Variants in SMAD3 observed in about 807,000 individuals in gnomAD.
SMAD3 encodes the protein SMAD family member 3, also known as MAD homolog 3.
Under a neutral mutation model 51.8 loss-of-function variants are expected in SMAD3, and 12 were observed. That is an observed-to-expected ratio of 0.23 (90% CI 0.15 to 0.38). SMAD3 has a LOEUF of 0.38. SMAD3 is among the 10% of genes least tolerant of loss of function. The pLI is 1.00. For synonymous variants in SMAD3, 238 were observed against 227.7 expected (o/e 1.05, Z -0.41); for missense variants, 294 against 565.6 (o/e 0.52, Z 4.87).
chr15:67,089,426 C>T (rs544769578), intron 1 of SMAD3, among the ~76,000 whole-genome samples: 31 of 152,312 alleles, frequency 2.0e-4, no homozygotes, highest in African/African-American at 6.7e-4. Context: ...GAGCACCTTC[C>T]CATTGGTTTA....
intron 1 of SMAD3, among the ~76,000 whole-genome samples, chr15:67,143,459 G>A (rs145131010): frequency 6.6e-6 from 1 of 152,292 alleles, no homozygotes; most frequent in African/African-American, 2.4e-5. Flanking sequence ...TTTGGAGGCA[G>A]AGTCTCACCC....
chr15:67,126,848 T>G (rs1275344567), intron 1 of SMAD3, among the ~76,000 whole-genome samples: 1 of 152,170 alleles, frequency 6.6e-6, no homozygotes, highest in East Asian at 1.9e-4. Flanking sequence ...GGGGCCTCAC[T>G]GAATTGTGGA....
chr15:67,125,900 G>C (rs1175008103), intron 1 of SMAD3: 98 of 985,350 alleles, frequency 9.9e-5, no homozygotes, highest in Non-Finnish European at 1.1e-4. Context: ...CACACGCTGG[G>C]TTCCCACAGG....
At chr15:67,171,014 A>G (rs1043657006) in intron 5 of SMAD3, among the ~76,000 whole-genome samples, 3 of 152,168 alleles carry the variant, frequency 2.0e-5, no homozygotes, top group Non-Finnish European at 4.4e-5. Flanking sequence ...TGAGTGTTTC[A>G]TCTTATAATT....
chr15:67,194,190 C>T lies in SMAD3; in HGVS notation c.*3654C>T, dbSNP rs530600662. The T allele has an allele frequency of 8.6e-6, 2 of 233,512 alleles. No individual in the cohort carries two copies. Among genetic ancestry groups the T allele is most frequent in the Non-Finnish European group, 1.7e-5 (2 of 118,066 alleles). The allele number at this position is 233,512 out of a possible 1,614,324, so 14.5% of individuals were successfully genotyped here. A position where few individuals can be genotyped will look rare whatever the true frequency, so the allele number is the denominator to read the frequency against. On this transcript the variant is annotated 3_prime_UTR_variant, in exon 9 of 9. Coordinates refer to ENST00000327367, the MANE Select transcript of SMAD3 (RefSeq NM_005902.4). The stretch of plus-strand genomic sequence containing the variant: ...ATTTTACCAGAACCAAACCTCAACA[C>T]AGCGAAGCTGTACTGTCTTTGTGTG...
At chr15:67,124,043 C>T (rs1035930473) in intron 1 of SMAD3, among the ~76,000 whole-genome samples, 4 of 152,078 alleles carry the variant, frequency 2.6e-5, no homozygotes, top group African/African-American at 9.7e-5. Context: ...GCTGGAGTGC[C>T]GTGGTGCAAT....
intron 4 of SMAD3, among the ~76,000 whole-genome samples, chr15:67,167,932 A>G (rs202060269): frequency 6.6e-6 from 1 of 152,200 alleles, no homozygotes; most frequent in Non-Finnish European, 1.5e-5. Context: ...CCTCGCACAC[A>G]GCCCAGAAGA....
rs571565607 is a variant in SMAD3, at chr15:67,110,651, C to A, written c.206+44291C>A. On this transcript the variant is annotated intron_variant, in intron 1 of 8. Transcript: ENST00000327367. ...GTGACATCCAGCCCTGTGTGGGCTA[C>A]CCTGGTTGCAAAGTGGGCCTCCTGC... Among the ~76,000 whole-genome samples, 4 of 152,210 alleles carry A rather than the reference C, an allele frequency of 2.6e-5. No homozygotes were observed. The South Asian group carries it at 8.3e-4, about 32-fold the overall frequency.
Position 67,066,124 on chromosome 15 carries a change from G to C in SMAD3, c.-31G>C. The C allele has an allele frequency of 6.5e-7, 1 of 1,543,976 alleles. No individual in the cohort carries two copies. The highest frequency in any genetic ancestry group is 8.8e-7 in the Non-Finnish European group (1 of 1,141,922). ...CGTCGAGCCCAGCCCCGCCGGGGGC[G>C]CTCCTCGCCGCCCGCGCGCCCTCCC... On this transcript the variant is annotated 5_prime_UTR_variant, in exon 1 of 9. Transcript: ENST00000327367.
intron 1 of SMAD3, among the ~76,000 whole-genome samples, chr15:67,162,387 C>T (rs1472283658): frequency 1.3e-5 from 2 of 152,266 alleles, no homozygotes; most frequent in African/African-American, 2.4e-5. Flanking sequence ...AAAAAGCAGT[C>T]CTGCCTCTTA....
In SMAD3 at chr15:67,194,907, C is replaced by T. The variant is rs1963463715; in HGVS notation, c.*4371C>T. On this transcript the variant is annotated 3_prime_UTR_variant, in exon 9 of 9. Coordinates refer to ENST00000327367, the MANE Select transcript of SMAD3 (RefSeq NM_005902.4). ...CTTCACTGCTGCTGTTGCAACTCGG[C>T]TGTTCTGGACTCTGATGTGTGTGGA... The T allele has an allele frequency of 4.3e-6, 1 of 233,684 alleles. No individual in the cohort carries two copies. Among genetic ancestry groups the T allele is most frequent in the Non-Finnish European group, 8.5e-6 (1 of 117,888 alleles). 14.5% of individuals were successfully genotyped at this position (233,684 alleles called of 1,614,324 possible).
In SMAD3 at chr15:67,127,636, C is replaced by T. The variant is rs567111041; in HGVS notation, c.207-37259C>T. Among the ~76,000 whole-genome samples the T allele has an allele frequency of 2.1e-4, 32 of 152,326 alleles. No individual in the cohort carries two copies. In the South Asian group the frequency reaches 3.1e-3, roughly 15 times the overall value. Reference sequence around the variant, plus strand: ...TTACATGTTCCGTGTCTTCTGTGCCCGTCTCTGGAGTTCCTGAAGATGAAG... The same window carrying T: ...TTACATGTTCCGTGTCTTCTGTGCCTGTCTCTGGAGTTCCTGAAGATGAAG... On this transcript the variant is annotated intron_variant, in intron 1 of 8. Coordinates refer to ENST00000327367, the MANE Select transcript of SMAD3 (RefSeq NM_005902.4).
At chr15:67,116,497 C>T (rs190512108) in intron 1 of SMAD3, among the ~76,000 whole-genome samples, 123 of 152,234 alleles carry the variant, frequency 8.1e-4, no homozygotes, top group Admixed American at 3.3e-3. Flanking sequence ...GGTGTGTGGA[C>T]GTTGTCTCAA....
intron 5 of SMAD3, among the ~76,000 whole-genome samples, chr15:67,173,668 C>T (rs1962812493): frequency 6.6e-6 from 1 of 152,078 alleles, no homozygotes; most frequent in Admixed American, 6.5e-5. Flanking sequence ...CTGATGACAG[C>T]TTCATAAAGA....
intron 5 of SMAD3, among the ~76,000 whole-genome samples, chr15:67,177,829 G>GGGAGGAA (rs1407955642): frequency 6.6e-6 from 1 of 152,034 alleles, no homozygotes; most frequent in Non-Finnish European, 1.5e-5. Context: ...CACAAGTTCT[G>GGGAGGAA]GGAGGAAGCA....
intron 1 of SMAD3, among the ~76,000 whole-genome samples, chr15:67,097,730 C>T (rs1176407946): frequency 6.6e-6 from 1 of 152,104 alleles, no homozygotes; most frequent in East Asian, 1.9e-4. Context: ...TCAATGCTAG[C>T]AATGGTCATG....
intron 1 of SMAD3, among the ~76,000 whole-genome samples, chr15:67,139,213 G>A (rs1006690065): frequency 6.6e-6 from 1 of 152,132 alleles, no homozygotes; most frequent in African/African-American, 2.4e-5. Flanking sequence ...TGGATCTTGA[G>A]GATTTTAAGA....
At chr15:67,123,090 C>T (rs973818546) in intron 1 of SMAD3, among the ~76,000 whole-genome samples, 7 of 150,622 alleles carry the variant, frequency 4.6e-5, no homozygotes, top group African/African-American at 1.7e-4. Context: ...CTCAGCTACT[C>T]GGGAGGCTGC....
At chr15:67,163,931 C>A (rs566224535) in intron 1 of SMAD3, among the ~76,000 whole-genome samples, 2 of 126,882 alleles carry the variant, frequency 1.6e-5, no homozygotes, top group East Asian at 5.1e-4. Flanking sequence ...AGAGCAACAC[C>A]CTGTATCAAA....
Sources: allele counts gnomAD v4.1 joint callset (sites outside exome capture counted in the v4.1 genomes callset), GRCh38; gene constraint gnomAD v4.1.1; transcripts MANE v1.5; gene names NCBI Gene and HGNC (gene_info 2026-07-23, HGNC 2026-07-21).